Variants in MYL6 observed in about 807,000 individuals in gnomAD.
The protein encoded by MYL6 is myosin light polypeptide 6.
MYL6 carries 20 observed loss-of-function variants against 20.3 expected under a neutral mutation model. The observed-to-expected ratio is 0.98, with a 90% CI of 0.69 to 1.43. MYL6 has a LOEUF of 1.43. MYL6 is among the 40% of genes most tolerant of loss of function. The pLI is 0.00. For missense variants in MYL6, 164 were observed against 191.0 expected, an observed-to-expected ratio of 0.86 and a Z score of 0.83; for synonymous variants, 77 against 72.4, an observed-to-expected ratio of 1.06 and a Z score of -0.32.
At chr12:56,160,604 G>A in intron 5 of MYL6, 22 bp from the exon 6 acceptor site, 1 of 1,614,182 alleles carries the variant, frequency 6.2e-7, no homozygotes. Context: ...TCTTCACCAT[G>A]AATGTCTCTT....
chr12:56,161,384 C>T lies in MYL6; in HGVS notation c.*17-3C>T. ...TGGCTCATCCCACCTTTCCTTTCCACAGAGCTCGTCCGCATGGTGCTGAAT... is the reference window on the plus strand; with the variant it reads ...TGGCTCATCCCACCTTTCCTTTCCATAGAGCTCGTCCGCATGGTGCTGAAT... On this transcript the variant is annotated splice_region_variant and splice_polypyrimidine_tract_variant and intron_variant, in intron 6 of 6. Coordinates refer to ENST00000550697, the MANE Select transcript of MYL6 (RefSeq NM_021019.5). The T allele has an allele frequency of 6.2e-7, 1 of 1,614,118 alleles. No homozygotes were observed. Among genetic ancestry groups the T allele is most frequent in the Non-Finnish European group, 8.5e-7 (1 of 1,179,994 alleles).
Position 56,159,613 on chromosome 12 carries a change from G to A in MYL6, c.58G>A (p.Asp20Asn). The A allele has an allele frequency of 1.2e-6, 2 of 1,613,882 alleles. No individual in the cohort carries two copies. Among genetic ancestry groups the A allele is most frequent in the African/African-American group, 1.3e-5 (1 of 75,040 alleles). Reference sequence around the variant, plus strand: ...GTTCAAGGAGGCCTTCCAGCTGTTTGACCGAACAGGTGATGGCAAGATCCT... The same window carrying A: ...GTTCAAGGAGGCCTTCCAGCTGTTTAACCGAACAGGTGATGGCAAGATCCT... ...AEFKEAFQLF[D>N]RTGDGKILYS... Residue 20 changes from aspartate to asparagine, a missense_variant, in exon 3 of 7, where the codon GAC (aspartate) becomes AAC (asparagine). Asp to Asn is a conservative substitution (Grantham distance 23, BLOSUM62 1). Coordinates refer to ENST00000550697, the MANE Select transcript of MYL6 (RefSeq NM_021019.5).
chr12:56,158,557 G>T (rs1294056445), intron 1 of MYL6, 127 bp from the exon 2 acceptor site: 2 of 1,613,468 alleles, frequency 1.2e-6, no homozygotes, highest in Non-Finnish European at 1.7e-6. Context: ...GCCCTGCGGG[G>T]AAGCGAGTCT....
intron 6 of MYL6, chr12:56,161,121 G>A (rs1565884693): frequency 6.7e-6 from 4 of 596,040 alleles, no homozygotes; most frequent in South Asian, 4.0e-5. Context: ...GCTGACAGTA[G>A]CTGTAGGTGT....
At chr12:56,159,757 A>T (rs1481613531) in intron 3 of MYL6, 27 bp downstream of exon 3, 2 of 1,609,070 alleles carry the variant, frequency 1.2e-6, no homozygotes. Flanking sequence ...ACAACTCCTC[A>T]GTGTGGTCAT....
chr12:56,160,194 G>T (rs375401051), intron 4 of MYL6, 46 bp downstream of exon 4: 2 of 1,613,700 alleles, frequency 1.2e-6, no homozygotes, highest in Middle Eastern at 1.7e-4. Context: ...GCACCCTGAG[G>T]TACCTCACTT....
In MYL6 at chr12:56,160,019, C is replaced by T; in HGVS notation, c.220C>T (p.Leu74=). ...VLDFEHFLPM[L]QTVAKNKDQG... ...GGACTTTGAGCACTTTCTGCCCATG[C>T]TGCAGACAGTGGCCAAGAACAAGGA... is the stretch of plus-strand genomic sequence containing the variant. Residue 74 remains leucine (L), a synonymous_variant, in exon 4 of 7, where the codon CTG becomes TTG. Coordinates refer to ENST00000550697, the MANE Select transcript of MYL6 (RefSeq NM_021019.5). 1 of 1,614,066 alleles carries T rather than the reference C, an allele frequency of 6.2e-7. No individual in the cohort carries two copies. The highest frequency in any genetic ancestry group is 2.2e-5 in the East Asian group (1 of 44,892).
intron 4 of MYL6, 38 bp downstream of exon 4, chr12:56,160,186 A>T (rs745828251): frequency 1.2e-6 from 2 of 1,613,662 alleles, no homozygotes; most frequent in Non-Finnish European, 1.7e-6. Context: ...CTGAGATGGC[A>T]CCCTGAGGTA....
rs1871659736 is a variant in MYL6, at chr12:56,160,249, A to T, written c.356A>T (p.Lys119Met). 4.3e-6 allele frequency: 7 copies of T among 1,614,252 alleles called. No individual in the cohort carries two copies. The highest frequency in any genetic ancestry group is 5.9e-6 in the Non-Finnish European group (7 of 1,180,050). Residue 119 changes from lysine (K) to methionine (M), a missense_variant, in exon 5 of 7, where the codon AAG becomes ATG. Physicochemically the swap from Lys to Met is moderately conservative, Grantham distance 95. Coordinates refer to ENST00000550697, the MANE Select transcript of MYL6 (RefSeq NM_021019.5). ...IRHVLVTLGE[K>M]MTEEEVEMLV... ...GCTTTCTTTCCCCCTGCAGGTGAGA[A>T]GATGACAGAGGAAGAAGTAGAGATG...
At chr12:56,160,549 T>A in intron 5 of MYL6, 77 bp from the exon 6 acceptor site, 8 of 1,500,950 alleles carry the variant, frequency 5.3e-6, no homozygotes, top group Non-Finnish European at 7.4e-6. Flanking sequence ...AATAATGGAA[T>A]GTCTGTCCCC....
At chr12:56,160,901 T>C (rs1871773659) in intron 6 of MYL6, 1 of 595,290 alleles carries the variant, frequency 1.7e-6, no homozygotes, top group East Asian at 2.8e-5. Context: ...TATGCGGCCC[T>C]GGGTGCTGGT....
rs1871556148 is a variant in MYL6 at position 56,159,342 on chromosome 12, C to CTGCCGCA, written c.32-244_32-238dup. Reference sequence around the variant, plus strand: ...GTAGCAGCAGTGGAGATTGGCAGGCCTGCCGCAGGCAGAGGGGTTGTGTAA... The same window carrying CTGCCGCA: ...GTAGCAGCAGTGGAGATTGGCAGGCCTGCCGCATGCCGCAGGCAGAGGGGTTGTGTAA... On this transcript the variant is annotated intron_variant, in intron 2 of 6. Coordinates refer to ENST00000550697, the MANE Select transcript of MYL6 (RefSeq NM_021019.5). The CTGCCGCA allele has an allele frequency of 8.3e-6, 4 of 479,734 alleles. No individual in the cohort carries two copies. The South Asian group carries it at 1.2e-4, about 14-fold the overall frequency. 29.7% of individuals were successfully genotyped at this position (479,734 alleles called of 1,614,324 possible).
In MYL6 at chr12:56,160,336, C is replaced by T. The variant is rs915459319; in HGVS notation, c.427+16C>T. ...AACTATGAAGGTAAGAGGTGAACTG[C>T]GCTTTCTCAGAGAAAGCAGCCATAT... On this transcript the variant is annotated intron_variant, in intron 5 of 6. Transcript: ENST00000550697. The T allele has an allele frequency of 2.1e-5, 34 of 1,613,802 alleles. No homozygotes were observed. The highest frequency in any genetic ancestry group is 6.7e-5 in the African/African-American group (5 of 74,912).
At position 56,161,465 on chromosome 12, in the gene MYL6, G is replaced by C. The variant is rs767193554; in HGVS notation, c.*95G>C. 1.2e-6 allele frequency: 2 copies of C among 1,604,124 alleles called. No individual in the cohort carries two copies. The highest frequency in any genetic ancestry group is 1.1e-5 in the South Asian group (1 of 90,864). ...CCGTGCCTTTCCCTGTGTGAATTTT[G>C]TATCTAGCCTAAAGTTTCCCTAGGC... On this transcript the variant is annotated 3_prime_UTR_variant, in exon 7 of 7. Coordinates refer to ENST00000550697, the MANE Select transcript of MYL6 (RefSeq NM_021019.5).
chr12:56,161,453 T>G lies in MYL6; in HGVS notation c.*83T>G, dbSNP rs763950569. 2.5e-6 allele frequency: 4 copies of G among 1,612,232 alleles called. No homozygotes were observed. The highest frequency in any genetic ancestry group is 3.3e-5 in the Admixed American group (2 of 60,004). On this transcript the variant is annotated 3_prime_UTR_variant, in exon 7 of 7. Transcript: ENST00000550697. ...TCTCCCCAGAGTCCGTGCCTTTCCCTGTGTGAATTTTGTATCTAGCCTAAA... is the reference window on the plus strand; with the variant it reads ...TCTCCCCAGAGTCCGTGCCTTTCCCGGTGTGAATTTTGTATCTAGCCTAAA...
At chr12:56,160,468 G>T in intron 5 of MYL6, 148 bp downstream of exon 5, 1 of 1,413,770 alleles carries the variant, frequency 7.1e-7, no homozygotes, top group South Asian at 1.2e-5. Flanking sequence ...GCCCAGGAGT[G>T]GGAGGTCAGG....
chr12:56,160,767 T>C, intron 6 of MYL6, 97 bp downstream of exon 6: 1 of 1,325,798 alleles, frequency 7.5e-7, no homozygotes, highest in East Asian at 2.3e-5. Context: ...CCTACTACCA[T>C]CTGACTTCCT....
chr12:56,160,721 T>C, intron 6 of MYL6, 51 bp downstream of exon 6: 2 of 1,589,518 alleles, frequency 1.3e-6, no homozygotes, highest in East Asian at 2.2e-5. Flanking sequence ...GTGTTTCTTT[T>C]TTCCCCAACC....
At chr12:56,159,884 ATC>A (rs1221833963) in intron 3 of MYL6, 89 bp from the exon 4 acceptor site, 145 of 1,529,130 alleles carry the variant, frequency 9.5e-5, no homozygotes, top group Non-Finnish European at 1.2e-4. Flanking sequence ...GTCATCTGTC[ATC>A]TCTCTGTTCA....
Sources: allele counts gnomAD v4.1 joint callset, GRCh38; gene constraint gnomAD v4.1.1; transcripts MANE v1.5; gene names NCBI Gene and HGNC (gene_info 2026-07-23, HGNC 2026-07-21).